The following DYM variants were observed in gnomAD, a reference collection of about 807,000 sequenced individuals.
DYM encodes dyggve-Melchior-Clausen syndrome protein.
DYM carries 78 observed loss-of-function variants against 93.1 expected under a neutral mutation model. That is an observed-to-expected ratio of 0.84 (90% CI 0.70 to 1.01). DYM has a LOEUF of 1.01. DYM is among the 50% of genes least tolerant of loss of function. The pLI is 0.00. For synonymous variants in DYM, 321 were observed against 319.7 expected, an observed-to-expected ratio of 1.00 and a Z score of -0.04; for missense variants, 789 against 845.0, an observed-to-expected ratio of 0.93 and a Z score of 0.82.
At chr18:49,459,922 G>T (rs983014181) in intron 1 of DYM, among the ~76,000 whole-genome samples, 1 of 146,822 alleles carries the variant, frequency 6.8e-6, no homozygotes. Flanking sequence ...TTGGGGCGGG[G>T]GGGGCGGTGA....
At chr18:49,448,050 T>G (rs1049902903) in intron 1 of DYM, among the ~76,000 whole-genome samples, 1 of 152,138 alleles carries the variant, frequency 6.6e-6, no homozygotes. Flanking sequence ...TGAAGCACAC[T>G]GTCAGTCCAA....
chr18:49,126,204 C>T (rs1461904233), intron 15 of DYM: 1 of 152,196 alleles, frequency 6.6e-6, no homozygotes, highest in Admixed American at 6.5e-5. Context: ...TTCCTGGAAA[C>T]CATGCTCTGG....
In DYM at chr18:49,283,425, CT is replaced by C. The variant is rs556102198; in HGVS notation, c.947-1251del. Among the ~76,000 whole-genome samples, 1,319 of 144,270 alleles carry C rather than the reference CT, an allele frequency of 9.1e-3. 27 individuals are homozygous for C. Among genetic ancestry groups the C allele is most frequent in the South Asian group, 0.078 (358 of 4,568 alleles). 94.6% of individuals were successfully genotyped at this position (144,270 alleles called of 152,430 possible). A position where few individuals can be genotyped will look rare whatever the true frequency, so the allele number is the denominator to read the frequency against. Reference sequence around the variant, plus strand: ...CTAATTGACTATAACTGTTAAGAAACTTTTTTTTTTTTTAAAGTACAGTCAC... The same window carrying C: ...CTAATTGACTATAACTGTTAAGAAACTTTTTTTTTTTTAAAGTACAGTCAC... On this transcript the variant is annotated intron_variant, in intron 9 of 17. Transcript: ENST00000675505.
At chr18:49,223,928 T>C (rs969137158) in intron 13 of DYM, among the ~76,000 whole-genome samples, 19 of 151,950 alleles carry the variant, frequency 1.3e-4, no homozygotes, top group African/African-American at 4.6e-4. Context: ...CTAGGAACAA[T>C]GGGAAGTATC....
chr18:49,264,101 GTTTT>G (rs66500150), intron 11 of DYM, among the ~76,000 whole-genome samples: 1 of 135,576 alleles, frequency 7.4e-6, no homozygotes, highest in African/African-American at 2.7e-5. Flanking sequence ...GATGGGCGTT[GTTTT>G]TTTTTTTTTT....
chr18:49,333,788 A>G lies in DYM; in HGVS notation c.560T>C (p.Leu187Pro). The G allele has an allele frequency of 6.2e-7, 1 of 1,613,878 alleles. No homozygotes were observed. Among genetic ancestry groups the G allele is most frequent in the Non-Finnish European group, 8.5e-7 (1 of 1,179,766 alleles). ...CTGTCGCAAAACTTCTTTGTGGAAG[A>G]GTTGGCAGGAAAGGAAAACAACCAT... Reference protein sequence around the residue: ...STMVVFLSCQLFHKEVLRQSI... With the variant: ...STMVVFLSCQPFHKEVLRQSI... Residue 187 changes from leucine to proline, a missense_variant, in exon 7 of 18, where the codon CTC (leucine) becomes CCC (proline). Transcript: ENST00000675505.
intron 4 of DYM, 42 bp from the exon 5 acceptor site, chr18:49,378,742 A>G (rs770194815): frequency 1.9e-6 from 3 of 1,602,052 alleles, no homozygotes; most frequent in Non-Finnish European, 2.6e-6. Flanking sequence ...ATTTAAACAT[A>G]AGCACCATAG....
At chr18:49,266,172 G>T (rs1277592002) in intron 11 of DYM, among the ~76,000 whole-genome samples, 1 of 152,010 alleles carries the variant, frequency 6.6e-6, no homozygotes, top group Non-Finnish European at 1.5e-5. Flanking sequence ...AAGAAGTGTG[G>T]AATTAATAAT....
Position 49,209,620 on chromosome 18 carries a change from G to T in DYM, c.1556C>A (p.Thr519Asn). The T allele has an allele frequency of 7.8e-7, 1 of 1,289,730 alleles. No homozygotes were observed. The highest frequency in any genetic ancestry group is 1.0e-6 in the Non-Finnish European group (1 of 988,840). The allele number at this position is 1,289,730 out of a possible 1,614,324, so 79.9% of individuals were successfully genotyped here. ...GAGTTCCTCTCCATTGTCACTGAGGGTCGAGAAGCAATGCTGAAGCGTAGA... is the reference window on the plus strand; with the variant it reads ...GAGTTCCTCTCCATTGTCACTGAGGTTCGAGAAGCAATGCTGAAGCGTAGA... ...HCSTLQHCFSTLSDNGEELLS... is the reference protein window; with the variant it reads ...HCSTLQHCFSNLSDNGEELLS... The change falls in exon 14 of 18, where the codon ACC becomes AAC. Residue 519 changes from threonine to asparagine, a missense_variant. Thr to Asn is a moderately conservative substitution (Grantham distance 65). Coordinates refer to ENST00000675505, the MANE Select transcript of DYM (RefSeq NM_001353214.3).
At chr18:49,453,336 C>G (rs2082693433) in intron 1 of DYM, among the ~76,000 whole-genome samples, 1 of 152,170 alleles carries the variant, frequency 6.6e-6, no homozygotes, top group African/African-American at 2.4e-5. Flanking sequence ...TGGCAACCGG[C>G]TCAGGTCCCC....
intron 16 of DYM, among the ~76,000 whole-genome samples, chr18:49,100,814 T>A (rs2080060544): frequency 6.6e-6 from 1 of 152,174 alleles, no homozygotes; most frequent in Non-Finnish European, 1.5e-5. Flanking sequence ...CAAACTAGAC[T>A]GGGGTGGCCC....
intron 8 of DYM, among the ~76,000 whole-genome samples, chr18:49,300,871 C>A (rs980481327): frequency 6.6e-6 from 1 of 152,132 alleles, no homozygotes; most frequent in Non-Finnish European, 1.5e-5. Context: ...GTAACTACTA[C>A]TCCCTAGTTG....
At chr18:49,242,729 T>C (rs577620507) in intron 13 of DYM, among the ~76,000 whole-genome samples, 1 of 152,340 alleles carries the variant, frequency 6.6e-6, no homozygotes, top group Non-Finnish European at 1.5e-5. Context: ...AGACGGAGTC[T>C]AGCTCAGTTG....
chr18:49,193,629 C>A (rs2091182832), intron 14 of DYM, among the ~76,000 whole-genome samples: 1 of 152,164 alleles, frequency 6.6e-6, no homozygotes, highest in Non-Finnish European at 1.5e-5. Flanking sequence ...AAGCTATCTA[C>A]TGAGAATAAT....
intron 8 of DYM, among the ~76,000 whole-genome samples, chr18:49,306,835 G>C (rs76267716): frequency 0.014 from 2,180 of 152,244 alleles, 50 homozygotes; most frequent in African/African-American, 0.05. Context: ...AAGATTCTTC[G>C]TGTAATTCAC....
chr18:49,237,304 G>A (rs2093898855), intron 13 of DYM, among the ~76,000 whole-genome samples: 1 of 152,060 alleles, frequency 6.6e-6, no homozygotes, highest in Non-Finnish European at 1.5e-5. Context: ...CAACTTAAAT[G>A]TCGTAATATA....
chr18:49,328,227 G>A (rs191276659), intron 8 of DYM, among the ~76,000 whole-genome samples: 10 of 152,302 alleles, frequency 6.6e-5, no homozygotes, highest in Admixed American at 4.6e-4. Flanking sequence ...CCAACACAGG[G>A]AGAATGATGC....
At chr18:49,425,027 G>A (rs1430497098) in intron 2 of DYM, among the ~76,000 whole-genome samples, 1 of 152,088 alleles carries the variant, frequency 6.6e-6, no homozygotes, top group Non-Finnish European at 1.5e-5. Flanking sequence ...TTTCTTTACA[G>A]AATTGGAAAA....
intron 2 of DYM, among the ~76,000 whole-genome samples, chr18:49,401,303 C>T (rs1351077772): frequency 6.6e-6 from 1 of 152,204 alleles, no homozygotes; most frequent in Non-Finnish European, 1.5e-5. Context: ...CTCCCTGAAG[C>T]AATCCATATA....
Sources: allele counts gnomAD v4.1 joint callset (sites outside exome capture counted in the v4.1 genomes callset), GRCh38; gene constraint gnomAD v4.1.1; transcripts MANE v1.5; gene names NCBI Gene and HGNC (gene_info 2026-07-23, HGNC 2026-07-21).